Variants in C1orf226 observed in about 807,000 individuals in gnomAD.
C1orf226 encodes the protein chromosome 1 open reading frame 226.
C1orf226 carries 4 observed loss-of-function variants against 10.5 expected under a neutral mutation model. The ratio of observed to expected loss-of-function variants is 0.38; its 90% CI spans 0.19 to 0.87. The LOEUF (loss-of-function observed/expected upper bound fraction) is 0.87, where lower values mean the gene tolerates loss of function less well. Among genes scored for constraint, C1orf226 ranks in the 40% least tolerant of loss-of-function variants. The pLI is 0.41. For synonymous variants in C1orf226, 125 were observed against 139.3 expected (o/e 0.90, Z 0.72); for missense variants, 313 against 336.2 (o/e 0.93, Z 0.54).
chr1:162,383,442 G>A lies in C1orf226; in HGVS notation c.578G>A (p.Gly193Glu). The A allele has an allele frequency of 1.9e-6, 3 of 1,590,284 alleles. No individual in the cohort carries two copies. The highest frequency in any genetic ancestry group is 2.6e-6 in the Non-Finnish European group (3 of 1,167,968). Residue 193 changes from glycine (G) to glutamate (E), a missense_variant, in exon 2 of 2, where the codon GGA becomes GAA. Physicochemically the swap from Gly to Glu is moderately conservative, Grantham distance 98. Transcript: ENST00000458626. Reference sequence around the variant, plus strand: ...GAGAGAGGCAAAGTTCTGCCCAATGGAGAGGTTTCCCTGTCAGTACCTGAC... The same window carrying A: ...GAGAGAGGCAAAGTTCTGCCCAATGAAGAGGTTTCCCTGTCAGTACCTGAC... The part of the protein sequence containing the change: ...REERGKVLPN[G>E]EVSLSVPDLI...
In C1orf226 at chr1:162,382,073, A is replaced by T; in HGVS notation, c.172A>T (p.Met58Leu). Reference sequence around the variant, plus strand: ...GCACCTCAAGAACCTGGGCAAAGCCATGGGGGCCAAAGTGAATGACTTCCT... The same window carrying T: ...GCACCTCAAGAACCTGGGCAAAGCCTTGGGGGCCAAAGTGAATGACTTCCT... ...SQHLKNLGKA[M>L]GAKVNDFLRR... The change falls in exon 1 of 2, where the codon ATG becomes TTG. Residue 58 changes from methionine to leucine, a missense_variant. Met to Leu is a conservative substitution (Grantham distance 15, BLOSUM62 2). Transcript: ENST00000458626. The T allele has an allele frequency of 6.2e-7, 1 of 1,603,684 alleles. No homozygotes were observed. The highest frequency in any genetic ancestry group is 8.5e-7 in the Non-Finnish European group (1 of 1,175,004).
At chr1:162,379,823 G>T (rs1317074274), upstream of C1orf226, among the ~76,000 whole-genome samples, 1 of 152,152 alleles carries the variant, frequency 6.6e-6, no homozygotes, top group Non-Finnish European at 1.5e-5. Flanking sequence ...GGTGTTTTTG[G>T]TGCTTGCCTT....
In C1orf226 at chr1:162,386,043, A is replaced by C. The variant is rs1648098169; in HGVS notation, c.*2360A>C. On this transcript the variant is annotated 3_prime_UTR_variant, in exon 2 of 2. Transcript: ENST00000458626. ...TTCTTCAGACCTGTGTCTGATACTG[A>C]ATACAGTGCCATGGGACCCTGCTCC... is the stretch of plus-strand genomic sequence containing the variant. 6.6e-6 allele frequency: 1 copy of C among 152,294 alleles called. No homozygotes were observed. The highest frequency in any genetic ancestry group is 6.5e-5 in the Admixed American group (1 of 15,282). The allele number at this position is 152,294 out of a possible 1,614,324, so 9.4% of individuals were successfully genotyped here. A position where few individuals can be genotyped will look rare whatever the true frequency, so the allele number is the denominator to read the frequency against.
Position 162,385,502 on chromosome 1 carries a change from T to G in C1orf226, c.*1819T>G, listed in dbSNP as rs937611573. On this transcript the variant is annotated 3_prime_UTR_variant, in exon 2 of 2. Transcript: ENST00000458626. ...CGTGCTCACCACAAACTGTCTCCCC[T>G]CCCTCGTAGGAGTCACTGCAGTAGG... 1.3e-5 allele frequency: 2 copies of G among 152,218 alleles called. No individual in the cohort carries two copies. Among genetic ancestry groups the G allele is most frequent in the Non-Finnish European group, 2.9e-5 (2 of 68,096 alleles). 9.4% of individuals were successfully genotyped at this position (152,218 alleles called of 1,614,324 possible). A position where few individuals can be genotyped will look rare whatever the true frequency, so the allele number is the denominator to read the frequency against.
At chr1:162,381,284 G>A (rs958323928), upstream of C1orf226, among the ~76,000 whole-genome samples, 3 of 152,174 alleles carry the variant, frequency 2.0e-5, no homozygotes, top group Non-Finnish European at 4.4e-5. Context: ...CACTGGCACC[G>A]AGTTCCTATC....
rs754575231 is a variant in C1orf226 at position 162,383,457 on chromosome 1, C to T, written c.593C>T (p.Ser198Leu). The T allele has an allele frequency of 1.9e-6, 3 of 1,591,488 alleles. No individual in the cohort carries two copies. In the South Asian group the frequency reaches 3.4e-5, roughly 18 times the overall value. Reference protein sequence around the residue: ...KVLPNGEVSLSVPDLIHKDSQ... With the variant: ...KVLPNGEVSLLVPDLIHKDSQ... ...CTGCCCAATGGAGAGGTTTCCCTGTCAGTACCTGACCTAATCCACAAGGAT... is the reference window on the plus strand; with the variant it reads ...CTGCCCAATGGAGAGGTTTCCCTGTTAGTACCTGACCTAATCCACAAGGAT... The change falls in exon 2 of 2, where the codon TCA becomes TTA. Residue 198 changes from serine (S) to leucine (L), a missense_variant. Transcript: ENST00000458626.
intron 1 of C1orf226, among the ~76,000 whole-genome samples, chr1:162,382,933 C>A (rs1326183728): frequency 6.6e-6 from 1 of 152,214 alleles, no homozygotes; most frequent in African/African-American, 2.4e-5. Flanking sequence ...CGGTCTCTAT[C>A]CTGTCTTCTA....
In C1orf226 at chr1:162,383,671, G is replaced by T; in HGVS notation, c.807G>T (p.Leu269=). The T allele has an allele frequency of 1.2e-6, 2 of 1,603,438 alleles. No homozygotes were observed. The change falls in exon 2 of 2, where the codon CTG becomes CTT. Residue 269 remains leucine, a synonymous_variant. Coordinates refer to ENST00000458626, the MANE Select transcript of C1orf226 (RefSeq NM_001085375.2). ...LDNEGPHPDL[L]SFE is the part of the protein sequence containing the mutation. ...ATGAGGGCCCTCACCCAGACCTGCTGTCCTTTGAATAGAGCCTCTGCTCTT... is the reference window on the plus strand; with the variant it reads ...ATGAGGGCCCTCACCCAGACCTGCTTTCCTTTGAATAGAGCCTCTGCTCTT...
At position 162,382,066 on chromosome 1, in the gene C1orf226, C is replaced by A. The variant is rs1249477469; in HGVS notation, c.165C>A (p.Gly55=). The A allele has an allele frequency of 6.2e-7, 1 of 1,606,038 alleles. No homozygotes were observed. Among genetic ancestry groups the A allele is most frequent in the South Asian group, 1.1e-5 (1 of 90,070 alleles). The part of the protein sequence containing the change: ...VGSSQHLKNL[G]KAMGAKVNDF... ...GCAGCCAGCACCTCAAGAACCTGGG[C>A]AAAGCCATGGGGGCCAAAGTGAATG... Residue 55 remains glycine (G), a synonymous_variant, in exon 1 of 2, where the codon GGC becomes GGA. Transcript: ENST00000458626.
At chr1:162,382,635 AC>A (rs1445281487) in intron 1 of C1orf226, among the ~76,000 whole-genome samples, 1 of 152,168 alleles carries the variant, frequency 6.6e-6, no homozygotes, top group Admixed American at 6.5e-5. Flanking sequence ...CTGGATTTGA[AC>A]CCAGCTATTG....
rs1648106960 is a variant in C1orf226 at position 162,386,338 on chromosome 1, C to T, written c.*2655C>T. 6.6e-6 allele frequency: 1 copy of T among 152,344 alleles called. No individual in the cohort carries two copies. The highest frequency in any genetic ancestry group is 2.4e-5 in the African/African-American group (1 of 41,468). 9.4% of individuals were successfully genotyped at this position (152,344 alleles called of 1,614,324 possible). A position where few individuals can be genotyped will look rare whatever the true frequency, so the allele number is the denominator to read the frequency against. On this transcript the variant is annotated 3_prime_UTR_variant, in exon 2 of 2. Coordinates refer to ENST00000458626, the MANE Select transcript of C1orf226 (RefSeq NM_001085375.2). Reference sequence around the variant, plus strand: ...GTGACTGTAGCCTGGCAGCCACACCCTCAGTAATCCCGCACAGTGAGTCCA... The same window carrying T: ...GTGACTGTAGCCTGGCAGCCACACCTTCAGTAATCCCGCACAGTGAGTCCA...
upstream of C1orf226, among the ~76,000 whole-genome samples, chr1:162,380,558 C>T (rs1647873064): frequency 1.3e-5 from 2 of 152,220 alleles, no homozygotes; most frequent in African/African-American, 4.8e-5. Context: ...GAGGTGTTCA[C>T]AAGGAAAGGA....
In C1orf226 at chr1:162,383,928, A is replaced by C; in HGVS notation, c.*245A>C. On this transcript the variant is annotated 3_prime_UTR_variant, in exon 2 of 2. Coordinates refer to ENST00000458626, the MANE Select transcript of C1orf226 (RefSeq NM_001085375.2). ...GCCGTTTTGAGCCTAATTTTCTGTAACCTCCTCTGAGTGGGCTGCAGCCCT... is the reference window on the plus strand; with the variant it reads ...GCCGTTTTGAGCCTAATTTTCTGTACCCTCCTCTGAGTGGGCTGCAGCCCT... 5.9e-6 allele frequency: 3 copies of C among 511,492 alleles called. No individual in the cohort carries two copies. The highest frequency in any genetic ancestry group is 1.0e-5 in the Non-Finnish European group (3 of 290,266). The allele number at this position is 511,492 out of a possible 1,614,324, so 31.7% of individuals were successfully genotyped here. A position where few individuals can be genotyped will look rare whatever the true frequency, so the allele number is the denominator to read the frequency against.
upstream of C1orf226, chr1:162,381,618 G>A: frequency 9.3e-7 from 1 of 1,076,624 alleles, no homozygotes; most frequent in African/African-American, 1.7e-5. Context: ...CATGAGTCAA[G>A]GAGGCAGGTT....
chr1:162,382,433 C>T lies in C1orf226; in HGVS notation c.317+215C>T, dbSNP rs1224853168. Among the ~76,000 whole-genome samples, 5 of 152,240 alleles carry T rather than the reference C, an allele frequency of 3.3e-5. 1 individual carries two copies. Among genetic ancestry groups the T allele is most frequent in the South Asian group, 2.1e-4 (1 of 4,828 alleles). ...GGTTGCTGAGTGCCCACCATGTCCT[C>T]GGCTCTGTGCTGCTGAAGGTTGCTG... On this transcript the variant is annotated intron_variant, in intron 1 of 1. Transcript: ENST00000458626.
chr1:162,381,427 G>A (rs924669597), upstream of C1orf226, among the ~76,000 whole-genome samples: 1 of 152,212 alleles, frequency 6.6e-6, no homozygotes, highest in African/African-American at 2.4e-5. Flanking sequence ...CTATACTCAT[G>A]GCCTTCAGTG....
upstream of C1orf226, chr1:162,381,660 C>A: frequency 1.5e-6 from 2 of 1,357,822 alleles, no homozygotes; most frequent in Non-Finnish European, 1.9e-6. Flanking sequence ...TTATGGCTAG[C>A]ATTAGTCACT....
Position 162,383,603 on chromosome 1 carries a change from G to T in C1orf226, c.739G>T (p.Asp247Tyr). ...CATCAGCCTGGCTGAGTCCTGGGAG[G>T]ATGGCAGCCCCCCTCCTCAGGCACG... ...SPISLAESWEDGSPPPQARTS... is the reference protein window; with the variant it reads ...SPISLAESWEYGSPPPQARTS... Residue 247 changes from aspartate to tyrosine, a missense_variant, in exon 2 of 2, where the codon GAT (aspartate) becomes TAT (tyrosine). Coordinates refer to ENST00000458626, the MANE Select transcript of C1orf226 (RefSeq NM_001085375.2). The T allele has an allele frequency of 6.2e-7, 1 of 1,607,504 alleles. No individual in the cohort carries two copies. Among genetic ancestry groups the T allele is most frequent in the Non-Finnish European group, 8.5e-7 (1 of 1,176,920 alleles).
At chr1:162,379,163 G>A (rs1369594881), upstream of C1orf226, 2 of 607,772 alleles carry the variant, frequency 3.3e-6, no homozygotes, top group Non-Finnish European at 3.0e-6. Flanking sequence ...GTCCTCCATT[G>A]CCATTATTTT....
Sources: allele counts gnomAD v4.1 joint callset (sites outside exome capture counted in the v4.1 genomes callset), GRCh38; gene constraint gnomAD v4.1.1; transcripts MANE v1.5; gene names NCBI Gene and HGNC (gene_info 2026-07-23, HGNC 2026-07-21).